The following TMEM156 variants were observed in gnomAD, a reference collection of about 807,000 sequenced individuals.
The protein encoded by TMEM156 is transmembrane protein 156.
A neutral mutation model predicts 30.5 loss-of-function variants in TMEM156; 28 were observed. That is an observed-to-expected ratio of 0.92 (90% CI 0.68 to 1.26). The LOEUF is 1.26. TMEM156 is among the 50% of genes most tolerant of loss of function. TMEM156 has a pLI of 0.00. For missense variants in TMEM156, 351 were observed against 340.6 expected (o/e 1.03, Z -0.24); for synonymous variants, 137 against 119.9 (o/e 1.14, Z -0.93).
intron 1 of TMEM156, 120 bp downstream of exon 1, chr4:39,032,106 A>G (rs936859875): frequency 3.2e-6 from 2 of 628,440 alleles, no homozygotes; most frequent in Non-Finnish European, 2.8e-6. Context: ...TTAGTTTTTC[A>G]GATCTAGAAC....
intron 1 of TMEM156, among the ~76,000 whole-genome samples, chr4:39,023,902 C>G (rs1297933485): frequency 1.3e-5 from 2 of 152,110 alleles, no homozygotes; most frequent in Non-Finnish European, 2.9e-5. Context: ...AAAATATTTA[C>G]TGTGTGATGA....
At chr4:39,008,207 T>C (rs1713877842) in intron 1 of TMEM156, among the ~76,000 whole-genome samples, 1 of 152,176 alleles carries the variant, frequency 6.6e-6, no homozygotes, top group Non-Finnish European at 1.5e-5. Context: ...CTCCTGATTT[T>C]AAGAACACTT....
intron 1 of TMEM156, among the ~76,000 whole-genome samples, chr4:39,004,025 A>G (rs1434134494): frequency 1.3e-5 from 2 of 152,234 alleles, no homozygotes; most frequent in Non-Finnish European, 2.9e-5. Flanking sequence ...AAAGAAATAA[A>G]TAGAAGACAC....
intron 5 of TMEM156, among the ~76,000 whole-genome samples, chr4:38,974,058 C>CGTGTGT (rs60030815): frequency 6.7e-6 from 1 of 149,178 alleles, no homozygotes; most frequent in African/African-American, 2.5e-5. Flanking sequence ...GGAAGGAGTG[C>CGTGTGT]GTGTGTGTGT....
At chr4:38,976,994 C>T (rs914032380) in intron 5 of TMEM156, among the ~76,000 whole-genome samples, 1 of 152,192 alleles carries the variant, frequency 6.6e-6, no homozygotes, top group African/African-American at 2.4e-5. Flanking sequence ...CAGCCTCCAC[C>T]TCCCAAGTTC....
chr4:39,025,889 T>C (rs951876428), intron 1 of TMEM156, among the ~76,000 whole-genome samples: 2 of 152,256 alleles, frequency 1.3e-5, no homozygotes, highest in African/African-American at 4.8e-5. Context: ...ACACTTGGCC[T>C]GCCTAAATCA....
chr4:38,991,247 A>G (rs1294935948), intron 3 of TMEM156, among the ~76,000 whole-genome samples: 2 of 138,932 alleles, frequency 1.4e-5, no homozygotes, highest in Non-Finnish European at 3.1e-5. Context: ...TTTTTGAGAC[A>G]GTGTTTCACT....
chr4:38,992,711 A>T (rs1281431402), intron 3 of TMEM156, among the ~76,000 whole-genome samples: 1 of 43,990 alleles, frequency 2.3e-5, no homozygotes, highest in African/African-American at 6.8e-5. Flanking sequence ...ATATATATAT[A>T]TTATATATAT....
intron 6 of TMEM156, 100 bp downstream of exon 6, chr4:38,970,932 A>G (rs1223660680): frequency 2.4e-5 from 17 of 713,440 alleles, no homozygotes; most frequent in Non-Finnish European, 3.7e-5. Context: ...ATCATTTTCT[A>G]CCTCCTACCA....
Position 38,993,904 on chromosome 4 carries a change from G to A in TMEM156, c.453C>T (p.His151=), listed in dbSNP as rs762041901. Residue 151 remains histidine (H), a synonymous_variant, in exon 3 of 7, where the codon CAC becomes CAT. Transcript: ENST00000381938. The part of the protein sequence containing the change: ...FNFSVAPLVD[H]LEEYNTTCHL... ...GACAGGTAGTGTTATATTCCTCCAAGTGGTCAACCAGAGGAGCTACACTGA... is the reference window on the plus strand; with the variant it reads ...GACAGGTAGTGTTATATTCCTCCAAATGGTCAACCAGAGGAGCTACACTGA... 1 of 1,614,078 alleles carries A rather than the reference G, an allele frequency of 6.2e-7. No individual in the cohort carries two copies. Among genetic ancestry groups the A allele is most frequent in the African/African-American group, 1.3e-5 (1 of 75,020 alleles).
chr4:38,987,084 T>C (rs1712061054), intron 4 of TMEM156, among the ~76,000 whole-genome samples: 1 of 152,190 alleles, frequency 6.6e-6, no homozygotes, highest in African/African-American at 2.4e-5. Flanking sequence ...ACTACTGGTC[T>C]CCTTCTAGAC....
rs374846893 is a variant in TMEM156, at chr4:38,993,785, G to A, written c.572C>T (p.Pro191Leu). 8.7e-6 allele frequency: 14 copies of A among 1,612,696 alleles called. No individual in the cohort carries two copies. The highest frequency in any genetic ancestry group is 4.0e-5 in the African/African-American group (3 of 74,830). The change falls in exon 3 of 7, where the codon CCG (proline) becomes CTG (leucine). Residue 191 changes from proline (P) to leucine (L), a missense_variant. Transcript: ENST00000381938. ...INYTCRIMEY[P>L]NDCIHISLHL... ...CAAAGAAATGTGTATACAATCATTC[G>A]GGTATTCCATGATTCTACAAGTGTA... is the stretch of plus-strand genomic sequence containing the variant.
intron 1 of TMEM156, among the ~76,000 whole-genome samples, chr4:39,024,182 C>T (rs542135654): frequency 3.9e-4 from 60 of 152,290 alleles, no homozygotes; most frequent in Non-Finnish European, 6.6e-4. Context: ...GATATAGACG[C>T]GTGCCACCAC....
At chr4:38,986,272 T>G in intron 5 of TMEM156, 64 bp downstream of exon 5, 15 of 1,102,526 alleles carry the variant, frequency 1.4e-5, no homozygotes, top group Non-Finnish European at 2.0e-5. Flanking sequence ...GTTTACTGTG[T>G]AGTGAAACCA....
chr4:38,993,921 C>G lies in TMEM156; in HGVS notation c.436G>C (p.Ala146Pro), dbSNP rs1436318971. 2.5e-6 allele frequency: 4 copies of G among 1,613,968 alleles called. No individual in the cohort carries two copies. Among genetic ancestry groups the G allele is most frequent in the East Asian group, 2.2e-5 (1 of 44,868 alleles). ...TCCTCCAAGTGGTCAACCAGAGGAG[C>G]TACACTGAAGTTAAAGTGCTGACAA... ...SPCQHFNFSV[A>P]PLVDHLEEYN... is the part of the protein sequence containing the mutation. Residue 146 changes from alanine (A) to proline (P), a missense_variant, in exon 3 of 7, where the codon GCT becomes CCT. Physicochemically the swap from Ala to Pro is conservative, Grantham distance 27. Transcript: ENST00000381938.
chr4:39,023,570 T>C (rs1715005701), intron 1 of TMEM156, among the ~76,000 whole-genome samples: 1 of 152,170 alleles, frequency 6.6e-6, no homozygotes, highest in Non-Finnish European at 1.5e-5. Context: ...AGGCCAGGCA[T>C]GGTGGCTCAC....
intron 1 of TMEM156, among the ~76,000 whole-genome samples, chr4:39,018,991 A>G: frequency 6.7e-6 from 1 of 149,146 alleles, no homozygotes; most frequent in East Asian, 2.0e-4. Flanking sequence ...ACTGCACTCC[A>G]GCCTGGGCGA....
chr4:38,983,892 T>C (rs1055577702), intron 5 of TMEM156, among the ~76,000 whole-genome samples: 1 of 152,268 alleles, frequency 6.6e-6, no homozygotes, highest in Non-Finnish European at 1.5e-5. Flanking sequence ...CATTTCTTGC[T>C]CATCCGCTCT....
At chr4:39,017,749 A>G (rs1714596686) in intron 1 of TMEM156, among the ~76,000 whole-genome samples, 1 of 152,296 alleles carries the variant, frequency 6.6e-6, no homozygotes, top group South Asian at 2.1e-4. Flanking sequence ...TTCTATCCAT[A>G]TATCCTGACC....
Sources: allele counts gnomAD v4.1 joint callset (sites outside exome capture counted in the v4.1 genomes callset), GRCh38; gene constraint gnomAD v4.1.1; transcripts MANE v1.5; gene names NCBI Gene and HGNC (gene_info 2026-07-23, HGNC 2026-07-21).